IL4I1: variants seen among roughly 807,000 people sequenced by gnomAD.
The protein encoded by IL4I1 is L-amino-acid oxidase.
Under a neutral mutation model 29.7 loss-of-function variants are expected in IL4I1, and 24 were observed. The observed-to-expected ratio is 0.81, with a 90% CI of 0.59 to 1.14. The LOEUF is 1.14. IL4I1 is among the 50% of genes most tolerant of loss of function. The pLI, the probability that IL4I1 is intolerant of heterozygous loss-of-function variation, is 0.00. For missense variants in IL4I1, 686 were observed against 785.6 expected, an observed-to-expected ratio of 0.87 and a Z score of 1.52; for synonymous variants, 371 against 352.5, an observed-to-expected ratio of 1.05 and a Z score of -0.59.
chr19:49,913,686 A>G (rs1220203682), intron 2 of IL4I1, among the ~76,000 whole-genome samples: 2 of 152,188 alleles, frequency 1.3e-5, no homozygotes, highest in East Asian at 3.8e-4. Flanking sequence ...TTCAGTCTGT[A>G]TCATTTCTCC....
At chr19:49,901,525 C>T (rs2075271818), upstream of IL4I1, 5 of 598,568 alleles carry the variant, frequency 8.4e-6, no homozygotes, top group Non-Finnish European at 1.3e-5. Flanking sequence ...GATCGGAGGA[C>T]AGAATTAGTG....
At chr19:49,927,366 T>C (rs748282914) in intron 2 of IL4I1, among the ~76,000 whole-genome samples, 27 of 152,062 alleles carry the variant, frequency 1.8e-4, no homozygotes, top group Non-Finnish European at 2.9e-4. Flanking sequence ...ACACATAACA[T>C]ACACTATTGA....
chr19:49,907,575 TG>T (rs2075352259), intron 2 of IL4I1: 1 of 418,304 alleles, frequency 2.4e-6, no homozygotes, highest in Non-Finnish European at 4.6e-6. Flanking sequence ...GAGTCTCTGT[TG>T]CCTAGGCTGG....
chr19:49,916,356 T>A (rs1027053017), intron 2 of IL4I1, among the ~76,000 whole-genome samples: 275 of 145,098 alleles, frequency 1.9e-3, no homozygotes, highest in African/African-American at 5.6e-3. Flanking sequence ...TCTTTTGTAT[T>A]TTTTTTTTTT....
intron 2 of IL4I1, among the ~76,000 whole-genome samples, chr19:49,916,878 G>A (rs1600530773): frequency 6.6e-6 from 1 of 152,192 alleles, no homozygotes. Context: ...CTGTGATCAT[G>A]CCACCATACT....
At chr19:49,907,896 G>A (rs975666499) in intron 2 of IL4I1, 9 of 420,838 alleles carry the variant, frequency 2.1e-5, no homozygotes, top group Admixed American at 2.0e-4. Context: ...TTTGGAGAGA[G>A]TGGCTGCCCC....
At chr19:49,928,368 T>A (rs2075960765) in intron 1 of IL4I1, 1 of 151,950 alleles carries the variant, frequency 6.6e-6, no homozygotes, top group Non-Finnish European at 1.5e-5. Flanking sequence ...ATACAAAAAA[T>A]TAGCCGGGCG....
chr19:49,926,702 T>C (rs150360017), intron 2 of IL4I1, among the ~76,000 whole-genome samples: 49 of 152,304 alleles, frequency 3.2e-4, no homozygotes, highest in Non-Finnish European at 5.6e-4. Context: ...TGTTCAAAAA[T>C]CTATACAGCA....
chr19:49,899,847 G>A (rs2075256287), upstream of IL4I1, among the ~76,000 whole-genome samples: 4 of 152,134 alleles, frequency 2.6e-5, no homozygotes, highest in South Asian at 8.3e-4. Context: ...GAGCCACCTC[G>A]CCCGGCCACA....
chr19:49,891,475 T>C lies in IL4I1; in HGVS notation c.568-2A>G. ...CAGTGCCTTGAGGTCTTTGAGGGCCTGTTGTGGAAGAAGCAGACATGGTGC... is the reference window on the plus strand; with the variant it reads ...CAGTGCCTTGAGGTCTTTGAGGGCCCGTTGTGGAAGAAGCAGACATGGTGC... On this transcript the variant is annotated splice_acceptor_variant, in intron 5 of 7. Coordinates refer to ENST00000391826, the MANE Select transcript of IL4I1 (RefSeq NM_152899.2). LOFTEE classifies it high-confidence loss of function. The C allele has an allele frequency of 6.2e-7, 1 of 1,613,956 alleles. No homozygotes were observed. Among genetic ancestry groups the C allele is most frequent in the African/African-American group, 1.3e-5 (1 of 75,034 alleles).
At chr19:49,908,767 C>G in intron 2 of IL4I1, 1 of 1,613,772 alleles carries the variant, frequency 6.2e-7, no homozygotes, top group Non-Finnish European at 8.5e-7. Flanking sequence ...AGTGCCGCTC[C>G]TGGTCCTCTA....
intron 2 of IL4I1, chr19:49,907,255 A>G (rs2075341750): frequency 6.8e-6 from 2 of 292,200 alleles, no homozygotes; most frequent in Middle Eastern, 2.6e-3. Flanking sequence ...GACCTGCAAG[A>G]AGGCCACCTG....
In IL4I1 at chr19:49,891,483, A is replaced by C; in HGVS notation, c.568-10T>G. On this transcript the variant is annotated splice_polypyrimidine_tract_variant and intron_variant, in intron 5 of 7. Transcript: ENST00000391826. Reference sequence around the variant, plus strand: ...TGAGGTCTTTGAGGGCCTGTTGTGGAAGAAGCAGACATGGTGCTGAGCTGC... The same window carrying C: ...TGAGGTCTTTGAGGGCCTGTTGTGGCAGAAGCAGACATGGTGCTGAGCTGC... The C allele has an allele frequency of 6.2e-7, 1 of 1,613,884 alleles. No homozygotes were observed. Among genetic ancestry groups the C allele is most frequent in the Non-Finnish European group, 8.5e-7 (1 of 1,179,870 alleles).
intron 2 of IL4I1, among the ~76,000 whole-genome samples, chr19:49,913,922 G>A (rs1377369550): frequency 6.6e-6 from 1 of 152,188 alleles, no homozygotes; most frequent in Non-Finnish European, 1.5e-5. Flanking sequence ...GAGGCTGGAG[G>A]CCAGGTGGCT....
chr19:49,906,585 G>T (rs893264650), intron 2 of IL4I1, among the ~76,000 whole-genome samples: 7 of 152,208 alleles, frequency 4.6e-5, no homozygotes, highest in African/African-American at 1.7e-4. Flanking sequence ...CTTCACTCGT[G>T]TGTTCCTCTT....
chr19:49,913,875 C>A (rs560599127), intron 2 of IL4I1, among the ~76,000 whole-genome samples: 10 of 152,066 alleles, frequency 6.6e-5, no homozygotes, highest in Non-Finnish European at 1.0e-4. Flanking sequence ...GAGCCACAGG[C>A]GGACTTTATG....
chr19:49,911,706 G>A (rs894947527), intron 2 of IL4I1, among the ~76,000 whole-genome samples: 2 of 152,318 alleles, frequency 1.3e-5, no homozygotes, highest in South Asian at 2.1e-4. Flanking sequence ...CTCAATGGGC[G>A]TCCATCACTA....
At position 49,896,148 on chromosome 19, in the gene IL4I1, C is replaced by A. The variant is rs755239324; in HGVS notation, c.13G>T (p.Ala5Ser). Residue 5 changes from alanine to serine, a missense_variant and splice_region_variant, in exon 2 of 8, where the codon GCC (alanine) becomes TCC (serine). By Grantham distance (99) the Ala-to-Ser change is moderately conservative. Coordinates refer to ENST00000391826, the MANE Select transcript of IL4I1 (RefSeq NM_152899.2). ...CAGAGCCCCTCCCCTGCTTACTCAC[C>A]CAATGGGGCCATGACTCTCGGTGGG... MAPL[A>S]LHLLVLVPIL... is the part of the protein sequence containing the mutation. The A allele has an allele frequency of 6.5e-7, 1 of 1,547,018 alleles. No individual in the cohort carries two copies. The highest frequency in any genetic ancestry group is 8.7e-7 in the Non-Finnish European group (1 of 1,144,256).
intron 3 of IL4I1, 103 bp downstream of exon 3, chr19:49,895,712 C>T (rs1324677375): frequency 1.1e-6 from 1 of 926,908 alleles, no homozygotes; most frequent in Admixed American, 2.0e-5. Context: ...CCCACATCCC[C>T]ACCTCCACCC....
Sources: gnomAD v4.1 joint callset for allele counts (sites outside exome capture counted in the v4.1 genomes callset) on GRCh38, gnomAD v4.1.1 for gene constraint, MANE v1.5 for transcripts, NCBI Gene and HGNC (gene_info 2026-07-23, HGNC 2026-07-21) for gene names.